ZFHX3: variants seen among roughly 807,000 people sequenced by gnomAD.
The protein encoded by ZFHX3 is zinc finger homeobox 3.
Under a neutral mutation model 279.1 loss-of-function variants are expected in ZFHX3, and 42 were observed. The ratio of observed to expected loss-of-function variants is 0.15; its 90% CI spans 0.12 to 0.19. The LOEUF is 0.19. Ranked by LOEUF, ZFHX3 falls within the 10% of genes least tolerant of loss-of-function variation. The pLI, the probability that ZFHX3 is intolerant of heterozygous loss-of-function variation, is 1.00. For missense variants in ZFHX3, 4,981 were observed against 4,754.0 expected, an observed-to-expected ratio of 1.05 and a Z score of -1.40; for synonymous variants, 2,293 against 1,957.8, an observed-to-expected ratio of 1.17 and a Z score of -4.52.
intron 1 of ZFHX3, among the ~76,000 whole-genome samples, chr16:73,004,158 A>AATTT: frequency 1.9e-5 from 1 of 51,314 alleles, no homozygotes; most frequent in African/African-American, 1.1e-4. Flanking sequence ...TAAAAACACG[A>AATTT]CTTTTTTTTT....
chr16:73,596,674 C>G (rs770043996), intron 2 of ZFHX3, among the ~76,000 whole-genome samples: 8 of 152,196 alleles, frequency 5.3e-5, no homozygotes, highest in African/African-American at 9.7e-5. Context: ...CATTTCTCCT[C>G]TATGTTCCCA....
chr16:73,552,412 C>A (rs539975419), intron 2 of ZFHX3, among the ~76,000 whole-genome samples: 1 of 152,174 alleles, frequency 6.6e-6, no homozygotes, highest in Non-Finnish European at 1.5e-5. Flanking sequence ...TGACTAACAT[C>A]GTGCCATTTC....
At chr16:73,384,624 C>T (rs905619837) in intron 3 of ZFHX3, among the ~76,000 whole-genome samples, 4 of 152,190 alleles carry the variant, frequency 2.6e-5, no homozygotes, top group African/African-American at 7.2e-5. Context: ...AAGTCTTGGA[C>T]ATCCCTGTTT....
At chr16:73,355,911 G>T (rs1453751794) in intron 3 of ZFHX3, among the ~76,000 whole-genome samples, 1 of 152,174 alleles carries the variant, frequency 6.6e-6, no homozygotes, top group Non-Finnish European at 1.5e-5. Context: ...GGGTCACACA[G>T]CTCATTACTG....
intron 3 of ZFHX3, among the ~76,000 whole-genome samples, chr16:72,921,729 G>C (rs1567585102): frequency 6.6e-6 from 1 of 152,246 alleles, no homozygotes; most frequent in Admixed American, 6.5e-5. Context: ...AAAGGGGGCA[G>C]TGCCTGGCTC....
chr16:73,103,092 T>G (rs575460618), intron 7 of ZFHX3, among the ~76,000 whole-genome samples: 6 of 152,268 alleles, frequency 3.9e-5, no homozygotes, highest in Middle Eastern at 3.4e-3. Context: ...CCCTGGCTAA[T>G]TTTTGTATTT....
chr16:73,076,781 A>G (rs1332098407), intron 8 of ZFHX3, among the ~76,000 whole-genome samples: 1 of 152,156 alleles, frequency 6.6e-6, no homozygotes, highest in East Asian at 1.9e-4. Flanking sequence ...CCTGTCAGGA[A>G]TTTCTTGGGG....
At chr16:73,108,173 A>G (rs1195067540) in intron 7 of ZFHX3, among the ~76,000 whole-genome samples, 3 of 151,888 alleles carry the variant, frequency 2.0e-5, no homozygotes, top group East Asian at 3.9e-4. Flanking sequence ...ATAAACAACA[A>G]CAACAACAAA....
At chr16:73,075,891 A>C (rs1192264876) in intron 8 of ZFHX3, among the ~76,000 whole-genome samples, 2 of 152,086 alleles carry the variant, frequency 1.3e-5, no homozygotes, top group Non-Finnish European at 2.9e-5. Context: ...CAGCCTCCCA[A>C]AGTGCTGGGA....
At chr16:73,258,590 C>T (rs187205156) in intron 4 of ZFHX3, among the ~76,000 whole-genome samples, 219 of 152,162 alleles carry the variant, frequency 1.4e-3, no homozygotes, top group Middle Eastern at 3.4e-3. Flanking sequence ...CCTCGTGATC[C>T]GCCCACCTCA....
At chr16:73,620,110 T>G (rs1217786102) in intron 2 of ZFHX3, among the ~76,000 whole-genome samples, 1 of 152,182 alleles carries the variant, frequency 6.6e-6, no homozygotes, top group African/African-American at 2.4e-5. Context: ...TAATAAATAC[T>G]TAGTCATGGT....
intron 1 of ZFHX3, among the ~76,000 whole-genome samples, chr16:73,850,757 G>A (rs1053243789): frequency 1.8e-4 from 26 of 146,212 alleles, no homozygotes; most frequent in Non-Finnish European, 2.7e-4. Flanking sequence ...GCACTTCCTT[G>A]CAAAGCAGCT....
At chr16:72,904,025 C>A (rs2039105620) in intron 3 of ZFHX3, among the ~76,000 whole-genome samples, 1 of 152,158 alleles carries the variant, frequency 6.6e-6, no homozygotes, top group Non-Finnish European at 1.5e-5. Flanking sequence ...CAGGCTGGGA[C>A]CAAGTCGAAT....
chr16:72,812,490 C>T (rs1302483137), intron 5 of ZFHX3, among the ~76,000 whole-genome samples: 2 of 152,156 alleles, frequency 1.3e-5, no homozygotes, highest in African/African-American at 4.8e-5. Context: ...ATTGTCCCTC[C>T]TCTTGGAATC....
chr16:73,654,427 A>G (rs1335351514), intron 2 of ZFHX3, among the ~76,000 whole-genome samples: 6 of 152,220 alleles, frequency 3.9e-5, no homozygotes, highest in African/African-American at 2.4e-5. Context: ...TTAACCCCCA[A>G]AATAGAAAAA....
chr16:73,468,536 G>A (rs1396435222), intron 2 of ZFHX3, among the ~76,000 whole-genome samples: 2 of 152,178 alleles, frequency 1.3e-5, no homozygotes. Context: ...AAGAGTTTGA[G>A]ACCAGCCTGG....
intron 7 of ZFHX3, chr16:72,808,260 A>G (rs560972700): frequency 6.6e-6 from 1 of 152,350 alleles, no homozygotes; most frequent in East Asian, 1.9e-4. Context: ...GATCAAGATC[A>G]TCAGTATTCC....
chr16:73,765,476 T>C (rs1179900981), intron 1 of ZFHX3, among the ~76,000 whole-genome samples: 2 of 152,216 alleles, frequency 1.3e-5, no homozygotes, highest in East Asian at 1.9e-4. Context: ...CAAGATAGAA[T>C]AGAAAGAATT....
At chr16:73,030,531 C>A (rs971707115) in intron 1 of ZFHX3, among the ~76,000 whole-genome samples, 1 of 151,974 alleles carries the variant, frequency 6.6e-6, no homozygotes, top group African/African-American at 2.4e-5. Flanking sequence ...TCAATAGAGC[C>A]GGGGTTATAT....
Sources: allele counts gnomAD v4.1 joint callset (sites outside exome capture counted in the v4.1 genomes callset), GRCh38; gene constraint gnomAD v4.1.1; transcripts MANE v1.5; gene names NCBI Gene and HGNC (gene_info 2026-07-23, HGNC 2026-07-21).